DENND1A: variants seen among roughly 807,000 people sequenced by gnomAD.
DENND1A encodes DENN domain-containing protein 1A.
DENND1A carries 51 observed loss-of-function variants against 113.7 expected under a neutral mutation model. That is an observed-to-expected ratio of 0.45 (90% CI 0.36 to 0.57). DENND1A has a LOEUF of 0.57. DENND1A is among the 20% of genes least tolerant of loss of function. The pLI, the probability that DENND1A is intolerant of heterozygous loss-of-function variation, is 0.00. For synonymous variants in DENND1A, 565 were observed against 570.8 expected (o/e 0.99, Z 0.14); for missense variants, 1,258 against 1,395.9 (o/e 0.90, Z 1.57).
chr9:123,834,780 G>C (rs986216229), intron 2 of DENND1A, among the ~76,000 whole-genome samples: 1 of 152,208 alleles, frequency 6.6e-6, no homozygotes, highest in Non-Finnish European at 1.5e-5. Flanking sequence ...CAAGGGATTT[G>C]AGAAGCAGCT....
intron 13 of DENND1A, among the ~76,000 whole-genome samples, chr9:123,463,908 C>CA (rs373633673): frequency 0.08 from 9,869 of 123,072 alleles, 1,219 homozygotes; most frequent in African/African-American, 0.26. Context: ...GACTCCAGCT[C>CA]AAAAAAAAAA....
At chr9:123,811,724 A>G (rs1226054373) in intron 2 of DENND1A, among the ~76,000 whole-genome samples, 1 of 152,366 alleles carries the variant, frequency 6.6e-6, no homozygotes, top group African/African-American at 2.4e-5. Context: ...GCACCACTGC[A>G]TTCCAGCCAG....
At chr9:123,521,584 A>G (rs1388470643) in intron 13 of DENND1A, among the ~76,000 whole-genome samples, 1 of 152,232 alleles carries the variant, frequency 6.6e-6, no homozygotes, top group Non-Finnish European at 1.5e-5. Context: ...ATGATTCCTT[A>G]AAGAAGGGCC....
At chr9:123,749,585 G>C (rs965928182) in intron 5 of DENND1A, among the ~76,000 whole-genome samples, 3 of 152,254 alleles carry the variant, frequency 2.0e-5, no homozygotes, top group African/African-American at 2.4e-5. Flanking sequence ...ACATAAACCA[G>C]CTGGCATATT....
In DENND1A at chr9:123,557,751, T is replaced by C. The variant is rs1330184835; in HGVS notation, c.868-56A>G. On this transcript the variant is annotated intron_variant, in intron 12 of 23. Coordinates refer to ENST00000394215, the MANE Select transcript of DENND1A (RefSeq NM_001352964.2). ...GAGGACAGGGTCAAAGTAGGGTGGC[T>C]GACTAAGCCCACTACATATGGAGCC... is the stretch of plus-strand genomic sequence containing the variant. 3 of 1,596,424 alleles carry C rather than the reference T, an allele frequency of 1.9e-6. No homozygotes were observed. The African/African-American group carries it at 4.0e-5, about 21-fold the overall frequency.
At chr9:123,697,616 A>G (rs964728582) in intron 5 of DENND1A, among the ~76,000 whole-genome samples, 6 of 152,084 alleles carry the variant, frequency 3.9e-5, no homozygotes, top group Admixed American at 1.3e-4. Context: ...TAGCTCCCAC[A>G]TATCAGTGAG....
intron 9 of DENND1A, among the ~76,000 whole-genome samples, chr9:123,640,302 G>C (rs2061959210): frequency 6.6e-6 from 1 of 152,204 alleles, no homozygotes; most frequent in Non-Finnish European, 1.5e-5. Context: ...CACAGAGACA[G>C]AGACATCAGA....
At chr9:123,478,935 G>T (rs1424314894) in intron 13 of DENND1A, among the ~76,000 whole-genome samples, 1 of 152,286 alleles carries the variant, frequency 6.6e-6, no homozygotes. Flanking sequence ...TGACAGGGAG[G>T]TATTAAAAGT....
intron 3 of DENND1A, among the ~76,000 whole-genome samples, chr9:123,792,265 T>C (rs570971713): frequency 6.6e-6 from 1 of 152,234 alleles, no homozygotes; most frequent in African/African-American, 2.4e-5. Context: ...AGCATTTTTT[T>C]AAAAAGTTCA....
intron 9 of DENND1A, among the ~76,000 whole-genome samples, chr9:123,650,682 G>A (rs893174114): frequency 6.6e-6 from 1 of 152,022 alleles, no homozygotes; most frequent in African/African-American, 2.4e-5. Flanking sequence ...TGAGGTGGGT[G>A]GATCACTTGA....
intron 19 of DENND1A, among the ~76,000 whole-genome samples, chr9:123,430,381 G>A (rs1470082239): frequency 6.6e-6 from 1 of 152,094 alleles, no homozygotes; most frequent in Non-Finnish European, 1.5e-5. Flanking sequence ...AAAGATACAT[G>A]CACATGTCAC....
intron 13 of DENND1A, among the ~76,000 whole-genome samples, chr9:123,532,538 G>A (rs1337547012): frequency 6.6e-6 from 1 of 152,158 alleles, no homozygotes; most frequent in Non-Finnish European, 1.5e-5. Context: ...ACCTCAATCT[G>A]TCATTGTTAG....
At chr9:123,712,158 C>G (rs1360104245) in intron 5 of DENND1A, among the ~76,000 whole-genome samples, 2 of 152,204 alleles carry the variant, frequency 1.3e-5, no homozygotes, top group Admixed American at 6.5e-5. Context: ...TCAACACTGT[C>G]CAGCCTTTTC....
chr9:123,783,864 G>C (rs191987836), intron 3 of DENND1A, among the ~76,000 whole-genome samples: 1 of 152,178 alleles, frequency 6.6e-6, no homozygotes, highest in African/African-American at 2.4e-5. Context: ...TTCTACATTT[G>C]AAGCGTTCAC....
intron 18 of DENND1A, among the ~76,000 whole-genome samples, chr9:123,445,525 T>C (rs2132505028): frequency 6.6e-6 from 1 of 152,312 alleles, no homozygotes; most frequent in East Asian, 1.9e-4. Context: ...GGTCTCCAGG[T>C]GTGTGCACAT....
intron 13 of DENND1A, among the ~76,000 whole-genome samples, chr9:123,487,111 T>G (rs1285739207): frequency 1.3e-5 from 2 of 152,050 alleles, no homozygotes; most frequent in East Asian, 1.9e-4. Context: ...TGTTTGAAAA[T>G]AAAACAGATA....
chr9:123,535,959 G>A (rs539445926), intron 13 of DENND1A, among the ~76,000 whole-genome samples: 32 of 152,254 alleles, frequency 2.1e-4, no homozygotes, highest in African/African-American at 6.7e-4. Flanking sequence ...GGGGGATTCT[G>A]GGAATCTGGC....
chr9:123,870,841 A>C (rs181593617), intron 2 of DENND1A, among the ~76,000 whole-genome samples: 1 of 152,240 alleles, frequency 6.6e-6, no homozygotes, highest in African/African-American at 2.4e-5. Context: ...TCTTTAGAGA[A>C]TTGTTCGAGC....
chr9:123,647,162 C>T (rs2062383013), intron 9 of DENND1A, among the ~76,000 whole-genome samples: 1 of 151,900 alleles, frequency 6.6e-6, no homozygotes, highest in African/African-American at 2.4e-5. Flanking sequence ...CTTTTTAGGC[C>T]TCTAAAAAAT....
Sources: allele counts gnomAD v4.1 joint callset (sites outside exome capture counted in the v4.1 genomes callset), GRCh38; gene constraint gnomAD v4.1.1; transcripts MANE v1.5; gene names NCBI Gene and HGNC (gene_info 2026-07-23, HGNC 2026-07-21).